The following CPNE8 variants were observed in gnomAD, a reference collection of about 807,000 sequenced individuals.
CPNE8 encodes copine-8.
Under a neutral mutation model 81.5 loss-of-function variants are expected in CPNE8, and 45 were observed. That is an observed-to-expected ratio of 0.55 (90% CI 0.44 to 0.71). The LOEUF (loss-of-function observed/expected upper bound fraction) is 0.71, where lower values mean the gene tolerates loss of function less well. Among genes scored for constraint, CPNE8 ranks in the 30% least tolerant of loss-of-function variants. CPNE8 has a pLI of 0.00. For missense variants in CPNE8, 594 were observed against 672.1 expected (o/e 0.88, Z 1.28); for synonymous variants, 252 against 226.3 (o/e 1.11, Z -1.02).
At chr12:38,677,610 G>A in intron 16 of CPNE8, 56 bp from the exon 17 acceptor site, 4 of 940,974 alleles carry the variant, frequency 4.3e-6, no homozygotes, top group South Asian at 2.7e-5. Flanking sequence ...TGTGATGGTT[G>A]GTAAATACAA....
At chr12:38,882,516 A>T (rs1944176188) in intron 1 of CPNE8, among the ~76,000 whole-genome samples, 1 of 152,346 alleles carries the variant, frequency 6.6e-6, no homozygotes, top group South Asian at 2.1e-4. Flanking sequence ...GCAATTTATT[A>T]TAACAGCCAC....
In CPNE8 at chr12:38,742,544, G is replaced by A. The variant is rs141673668; in HGVS notation, c.723-12186C>T. On this transcript the variant is annotated intron_variant, in intron 10 of 19. Transcript: ENST00000331366. ...GGTCCTGTTGTGGGGTGGAGGGAGTGGGGAGGGATAGCATTAGGAGATATA... is the reference window on the plus strand; with the variant it reads ...GGTCCTGTTGTGGGGTGGAGGGAGTAGGGAGGGATAGCATTAGGAGATATA... 2.2e-5 allele frequency among the ~76,000 whole-genome samples: 3 copies of A among 134,270 alleles called. 1 individual carries two copies. Among genetic ancestry groups the A allele is most frequent in the South Asian group, 5.6e-4 (2 of 3,550 alleles). The allele number at this position is 134,270 out of a possible 152,430, so 88.1% of individuals were successfully genotyped here.
At chr12:38,825,667 A>AT (rs1359788451) in intron 6 of CPNE8, among the ~76,000 whole-genome samples, 1 of 152,210 alleles carries the variant, frequency 6.6e-6, no homozygotes, top group Non-Finnish European at 1.5e-5. Flanking sequence ...TAGCCAACAG[A>AT]CCTTGTTCTT....
intron 6 of CPNE8, among the ~76,000 whole-genome samples, chr12:38,792,404 C>A (rs1408047619): frequency 6.6e-6 from 1 of 150,556 alleles, no homozygotes; most frequent in Non-Finnish European, 1.5e-5. Context: ...GGGGACAATA[C>A]AACTGATGCT....
chr12:38,792,248 A>T (rs1034484233), intron 6 of CPNE8, among the ~76,000 whole-genome samples: 3 of 151,366 alleles, frequency 2.0e-5, no homozygotes, highest in Non-Finnish European at 4.4e-5. Context: ...GCACACATAA[A>T]TAAAATAGAG....
intron 6 of CPNE8, among the ~76,000 whole-genome samples, chr12:38,818,136 A>T (rs1943057065): frequency 6.7e-6 from 1 of 150,290 alleles, no homozygotes; most frequent in Non-Finnish European, 1.5e-5. Flanking sequence ...ATAGTAACTG[A>T]TTTTTTTTTT....
At chr12:38,795,867 G>GGATGGATAGATAGATAGATA (rs150549824) in intron 6 of CPNE8, among the ~76,000 whole-genome samples, 12 of 148,134 alleles carry the variant, frequency 8.1e-5, no homozygotes, top group African/African-American at 2.5e-4. Context: ...ATGGATGGAT[G>GGATGGATAGATAGATAGATA]GATAGATAGA....
Position 38,902,421 on chromosome 12 carries a change from GAA to G in CPNE8, c.98+3014_98+3015del, listed in dbSNP as rs1555172192. Among the ~76,000 whole-genome samples, 22 of 109,472 alleles carry G rather than the reference GAA, an allele frequency of 2.0e-4. 1 individual carries two copies. The highest frequency in any genetic ancestry group is 7.3e-4 in the African/African-American group (13 of 17,688). The allele number at this position is 109,472 out of a possible 152,430, so 71.8% of individuals were successfully genotyped here. The stretch of plus-strand genomic sequence containing the variant: ...AAAGAAAGAAAGAAAGAAAGAAAAA[GAA>G]AGAAAGAAAGAAAGGAGAGAGAGAA... On this transcript the variant is annotated intron_variant, in intron 1 of 19. Transcript: ENST00000331366.
chr12:38,840,682 C>T (rs1490788514), intron 4 of CPNE8, among the ~76,000 whole-genome samples: 1 of 152,078 alleles, frequency 6.6e-6, no homozygotes, highest in African/African-American at 2.4e-5. Context: ...CATTATTTTT[C>T]CCTAATCACA....
intron 3 of CPNE8, among the ~76,000 whole-genome samples, chr12:38,855,796 T>A (rs1177669159): frequency 6.6e-6 from 1 of 152,084 alleles, no homozygotes; most frequent in Non-Finnish European, 1.5e-5. Flanking sequence ...ATTATTCCCA[T>A]AATGTAAACA....
Position 38,653,699 on chromosome 12 carries a change from C to A in CPNE8, c.*183G>T. On this transcript the variant is annotated 3_prime_UTR_variant, in exon 20 of 20. Transcript: ENST00000331366. ...TAAACAATTTTTTCTGTTGCTCATG[C>A]AACAACCATATTTACAGTTTTGGTT... 2 of 758,898 alleles carry A rather than the reference C, an allele frequency of 2.6e-6. No homozygotes were observed. Among genetic ancestry groups the A allele is most frequent in the Non-Finnish European group, 3.6e-6 (2 of 548,226 alleles). The allele number at this position is 758,898 out of a possible 1,614,324, so 47.0% of individuals were successfully genotyped here.
chr12:38,873,208 A>G (rs1217520814), intron 2 of CPNE8, among the ~76,000 whole-genome samples, 158 bp from the exon 3 acceptor site: 2 of 152,172 alleles, frequency 1.3e-5, no homozygotes, highest in African/African-American at 4.8e-5. Flanking sequence ...GTAAATCATC[A>G]TATGACTAAA....
chr12:38,786,711 G>A (rs1942195932), intron 6 of CPNE8, among the ~76,000 whole-genome samples: 1 of 152,006 alleles, frequency 6.6e-6, no homozygotes, highest in Non-Finnish European at 1.5e-5. Flanking sequence ...AGACAAAATA[G>A]GTTTCAAGAC....
At chr12:38,756,509 A>G (rs1941462558) in intron 10 of CPNE8, among the ~76,000 whole-genome samples, 1 of 152,072 alleles carries the variant, frequency 6.6e-6, no homozygotes, top group Non-Finnish European at 1.5e-5. Flanking sequence ...ACACGCCACC[A>G]TGCCCAGCTA....
At chr12:38,819,599 C>T (rs143379525) in intron 6 of CPNE8, among the ~76,000 whole-genome samples, 2 of 151,772 alleles carry the variant, frequency 1.3e-5, no homozygotes, top group Non-Finnish European at 2.9e-5. Context: ...AACCCTGTCT[C>T]TACTAAAAAT....
intron 6 of CPNE8, among the ~76,000 whole-genome samples, chr12:38,810,868 A>G (rs1942921711): frequency 1.3e-5 from 2 of 152,100 alleles, no homozygotes; most frequent in African/African-American, 4.8e-5. Context: ...GTGGCTCCCT[A>G]CATCTTCCAG....
Position 38,697,467 on chromosome 12 carries a change from G to A in CPNE8, c.962-3629C>T, listed in dbSNP as rs189773393. 2.2e-3 allele frequency among the ~76,000 whole-genome samples: 331 copies of A among 152,166 alleles called. 2 individuals are homozygous for A. Among genetic ancestry groups the A allele is most frequent in the African/African-American group, 7.6e-3 (316 of 41,500 alleles). ...ATATTATGCTGTTATATATATTCAC[G>A]TATAAGTTTTTTTGCTGACATATGT... On this transcript the variant is annotated intron_variant, in intron 14 of 19. Transcript: ENST00000331366.
chr12:38,740,670 T>G (rs1446972373), intron 10 of CPNE8, among the ~76,000 whole-genome samples: 2 of 152,158 alleles, frequency 1.3e-5, no homozygotes. Flanking sequence ...GTCTTTGGTT[T>G]TGTTTATATG....
rs548521826 is a variant in CPNE8, at chr12:38,851,938, C to A, written c.187-3276G>T. 7.9e-5 allele frequency among the ~76,000 whole-genome samples: 12 copies of A among 152,224 alleles called. 1 individual carries two copies. The South Asian group carries it at 2.5e-3, about 32-fold the overall frequency. ...CTTTCTTACCTCATGGCCTTTGCAC[C>A]TGCTATTTCCTCTTACTAGAATGTT... is the stretch of plus-strand genomic sequence containing the variant. On this transcript the variant is annotated intron_variant, in intron 3 of 19. Coordinates refer to ENST00000331366, the MANE Select transcript of CPNE8 (RefSeq NM_153634.3).
Sources: gnomAD v4.1 joint callset for allele counts (sites outside exome capture counted in the v4.1 genomes callset) on GRCh38, gnomAD v4.1.1 for gene constraint, MANE v1.5 for transcripts, NCBI Gene and HGNC (gene_info 2026-07-23, HGNC 2026-07-21) for gene names.